The following RANBP9 variants were observed in gnomAD, a reference collection of about 807,000 sequenced individuals.
RANBP9 encodes RAN binding protein 9.
In RANBP9, 15 loss-of-function variants were observed where a neutral mutation model predicts 84.3. The observed-to-expected ratio is 0.18, with a 90% CI of 0.12 to 0.27. RANBP9 has a LOEUF of 0.27. Ranked by LOEUF, RANBP9 falls within the 10% of genes least tolerant of loss-of-function variation. The pLI, the probability that RANBP9 is intolerant of heterozygous loss-of-function variation, is 1.00. For missense variants in RANBP9, 809 were observed against 912.8 expected, an observed-to-expected ratio of 0.89 and a Z score of 1.46; for synonymous variants, 392 against 349.6, an observed-to-expected ratio of 1.12 and a Z score of -1.35.
Position 13,642,551 on chromosome 6 carries a change from T to C in RANBP9, c.1153A>G (p.Thr385Ala), listed in dbSNP as rs1199096037. ...GTAGATCTGGCAAAGGCCTCTGCTG[T>C]GGCACAGTACCCATGGTGGACTAAA... is the stretch of plus-strand genomic sequence containing the variant. Reference protein sequence around the residue: ...SYLVHHGYCATAEAFARSTDQ... With the variant: ...SYLVHHGYCAAAEAFARSTDQ... Residue 385 changes from threonine to alanine, a missense_variant, in exon 7 of 14, where the codon ACA becomes GCA. Thr to Ala is a moderately conservative substitution (Grantham distance 58). Coordinates refer to ENST00000011619, the MANE Select transcript of RANBP9 (RefSeq NM_005493.3). The C allele has an allele frequency of 6.2e-7, 1 of 1,611,946 alleles. No individual in the cohort carries two copies. Among genetic ancestry groups the C allele is most frequent in the Non-Finnish European group, 8.5e-7 (1 of 1,178,542 alleles).
intron 2 of RANBP9, among the ~76,000 whole-genome samples, chr6:13,664,673 C>T (rs897313555): frequency 2.0e-5 from 3 of 151,882 alleles, no homozygotes; most frequent in African/African-American, 7.3e-5. Flanking sequence ...TAACAGATAC[C>T]CCCAATACAC....
chr6:13,708,657 A>C (rs934239869), intron 1 of RANBP9, among the ~76,000 whole-genome samples: 2 of 152,202 alleles, frequency 1.3e-5, no homozygotes, highest in East Asian at 3.8e-4. Context: ...TGATAGGTTA[A>C]ATAAAAATTC....
chr6:13,682,413 A>G (rs1176671589), intron 2 of RANBP9, among the ~76,000 whole-genome samples: 1 of 148,970 alleles, frequency 6.7e-6, no homozygotes, highest in Non-Finnish European at 1.5e-5. Flanking sequence ...AAAAAAAAAA[A>G]GACTGCAAAA....
At chr6:13,661,405 A>C (rs887241180) in intron 2 of RANBP9, among the ~76,000 whole-genome samples, 2 of 152,222 alleles carry the variant, frequency 1.3e-5, no homozygotes, top group Non-Finnish European at 2.9e-5. Context: ...ATGAAGAAAA[A>C]TGTTAAACTT....
intron 2 of RANBP9, among the ~76,000 whole-genome samples, chr6:13,690,996 A>C (rs1248206552): frequency 6.6e-6 from 1 of 151,932 alleles, no homozygotes. Context: ...GTGAAACCCC[A>C]TCTCTCCTGA....
Position 13,634,508 on chromosome 6 carries a change from C to G in RANBP9, c.1718G>C (p.Gly573Ala). The stretch of plus-strand genomic sequence containing the variant: ...TAGGAAACCATTGGATGAAGTTTCT[C>G]CAACTCCATTGGAGTAGTGATCTGT... ...METDHYSNGV[G>A]ETSSNGFLNG... Residue 573 changes from glycine to alanine, a missense_variant, in exon 11 of 14, where the codon GGA becomes GCA. By Grantham distance (60) the Gly-to-Ala change is moderately conservative (BLOSUM62 0). Transcript: ENST00000011619. 6.2e-7 allele frequency: 1 copy of G among 1,613,324 alleles called. No individual in the cohort carries two copies. The highest frequency in any genetic ancestry group is 8.5e-7 in the Non-Finnish European group (1 of 1,179,454).
intron 2 of RANBP9, among the ~76,000 whole-genome samples, chr6:13,691,891 C>A (rs1200688703): frequency 6.6e-6 from 1 of 152,108 alleles, no homozygotes; most frequent in Non-Finnish European, 1.5e-5. Flanking sequence ...TGGTCTTGAA[C>A]TCCTGACCTC....
intron 2 of RANBP9, among the ~76,000 whole-genome samples, chr6:13,664,291 G>A (rs1765599086): frequency 6.6e-6 from 1 of 151,950 alleles, no homozygotes; most frequent in Admixed American, 6.6e-5. Context: ...TCGAACAAAA[G>A]CCATGCAGCC....
intron 3 of RANBP9, among the ~76,000 whole-genome samples, chr6:13,657,852 G>GGT (rs1765438551): frequency 6.6e-6 from 1 of 151,844 alleles, no homozygotes; most frequent in Admixed American, 6.6e-5. Flanking sequence ...TAAGCAAAAG[G>GGT]GTACAAAACA....
At chr6:13,687,559 A>T (rs1766218577) in intron 2 of RANBP9, among the ~76,000 whole-genome samples, 1 of 152,118 alleles carries the variant, frequency 6.6e-6, no homozygotes, top group Non-Finnish European at 1.5e-5. Flanking sequence ...TTAATCTTCT[A>T]AGACAAAAGC....
At chr6:13,648,412 A>T (rs1203612412) in intron 5 of RANBP9, among the ~76,000 whole-genome samples, 2 of 152,106 alleles carry the variant, frequency 1.3e-5, no homozygotes, top group Non-Finnish European at 2.9e-5. Context: ...TGCTAGAATT[A>T]CAGGCGTGAG....
At chr6:13,680,517 C>A (rs1027857627) in intron 2 of RANBP9, among the ~76,000 whole-genome samples, 1 of 151,984 alleles carries the variant, frequency 6.6e-6, no homozygotes, top group African/African-American at 2.4e-5. Flanking sequence ...GTGGGAAGAT[C>A]ATCACTTGAG....
At chr6:13,700,641 G>T (rs558967865) in intron 1 of RANBP9, among the ~76,000 whole-genome samples, 2 of 152,158 alleles carry the variant, frequency 1.3e-5, no homozygotes, top group African/African-American at 4.8e-5. Flanking sequence ...TAACACTCAC[G>T]TTTAATTATT....
intron 2 of RANBP9, among the ~76,000 whole-genome samples, chr6:13,685,895 C>G (rs1222986366): frequency 1.3e-5 from 2 of 149,594 alleles, no homozygotes; most frequent in African/African-American, 4.9e-5. Context: ...TGCACCACTG[C>G]ACTCCAGCCT....
At chr6:13,671,830 T>G (rs1384405922) in intron 2 of RANBP9, among the ~76,000 whole-genome samples, 1 of 152,062 alleles carries the variant, frequency 6.6e-6, no homozygotes, top group East Asian at 1.9e-4. Flanking sequence ...TGTTCCACTC[T>G]ATTACGTAAA....
At chr6:13,629,280 G>A (rs1240454210) in intron 12 of RANBP9, among the ~76,000 whole-genome samples, 3 of 152,078 alleles carry the variant, frequency 2.0e-5, no homozygotes, top group Non-Finnish European at 2.9e-5. Context: ...CCAGCCTCGT[G>A]TAGTTATTTA....
chr6:13,651,953 C>G (rs1237510143), intron 5 of RANBP9, among the ~76,000 whole-genome samples: 1 of 152,094 alleles, frequency 6.6e-6, no homozygotes, highest in Non-Finnish European at 1.5e-5. Flanking sequence ...TTCAAACAAG[C>G]CATCTGTGCT....
intron 2 of RANBP9, among the ~76,000 whole-genome samples, chr6:13,671,696 T>C (rs1443792879): frequency 6.6e-6 from 1 of 152,110 alleles, no homozygotes; most frequent in East Asian, 1.9e-4. Flanking sequence ...AATTAAATAG[T>C]AAGGGTTGCA....
chr6:13,684,468 T>C (rs1766121083), intron 2 of RANBP9, among the ~76,000 whole-genome samples: 1 of 152,252 alleles, frequency 6.6e-6, no homozygotes, highest in Non-Finnish European at 1.5e-5. Context: ...TTACTACAAT[T>C]GTTCTTCCAA....
Sources: allele counts gnomAD v4.1 joint callset (sites outside exome capture counted in the v4.1 genomes callset), GRCh38; gene constraint gnomAD v4.1.1; transcripts MANE v1.5; gene names NCBI Gene and HGNC (gene_info 2026-07-23, HGNC 2026-07-21).